Variants in PRKCQ observed in about 807,000 individuals in gnomAD.
The protein encoded by PRKCQ is protein kinase C theta.
A neutral mutation model predicts 91.2 loss-of-function variants in PRKCQ; 41 were observed. That is an observed-to-expected ratio of 0.45 (90% CI 0.35 to 0.58). PRKCQ has a LOEUF of 0.58. PRKCQ is among the 20% of genes least tolerant of loss of function. PRKCQ has a pLI of 0.00. For missense variants in PRKCQ, 673 were observed against 896.5 expected (o/e 0.75, Z 3.18); for synonymous variants, 307 against 316.9 (o/e 0.97, Z 0.33).
chr10:6,434,046 AAAAGG>A (rs1265395584), intron 16 of PRKCQ, among the ~76,000 whole-genome samples: 5 of 151,168 alleles, frequency 3.3e-5, no homozygotes, highest in African/African-American at 1.2e-4. Context: ...AAAAAAAAAA[AAAAGG>A]AAGCAAAAGG....
At chr10:6,529,930 C>T (rs1839330633) in intron 1 of PRKCQ, among the ~76,000 whole-genome samples, 1 of 152,188 alleles carries the variant, frequency 6.6e-6, no homozygotes, top group African/African-American at 2.4e-5. Context: ...AGAAATTCTC[C>T]CTCATGAAAA....
At chr10:6,535,440 A>T (rs1839545370) in intron 1 of PRKCQ, among the ~76,000 whole-genome samples, 1 of 152,218 alleles carries the variant, frequency 6.6e-6, no homozygotes, top group African/African-American at 2.4e-5. Flanking sequence ...AATGTTACCC[A>T]TGATGTTAAA....
At chr10:6,513,763 G>T (rs1266797453) in intron 2 of PRKCQ, among the ~76,000 whole-genome samples, 1 of 152,160 alleles carries the variant, frequency 6.6e-6, no homozygotes, top group Non-Finnish European at 1.5e-5. Context: ...TTTGGTGGGG[G>T]ATGCAAAATA....
chr10:6,530,606 G>A (rs1036892818), intron 1 of PRKCQ, among the ~76,000 whole-genome samples: 1 of 152,176 alleles, frequency 6.6e-6, no homozygotes, highest in Non-Finnish European at 1.5e-5. Flanking sequence ...CGGGGGAAGA[G>A]AAAGAAAGTG....
At chr10:6,549,904 T>A (rs1442440596) in intron 1 of PRKCQ, among the ~76,000 whole-genome samples, 1 of 152,154 alleles carries the variant, frequency 6.6e-6, no homozygotes, top group African/African-American at 2.4e-5. Flanking sequence ...AGTGCTGGGA[T>A]TACAGGCGTG....
rs78958949 is a variant in PRKCQ at position 6,524,022 on chromosome 10, T to G, written c.-9-8878A>C. Among the ~76,000 whole-genome samples, 503 of 152,298 alleles carry G rather than the reference T, an allele frequency of 3.3e-3. 2 individuals are homozygous for G. The highest frequency in any genetic ancestry group is 0.012 in the African/African-American group (486 of 41,564). On this transcript the variant is annotated intron_variant, in intron 1 of 17. Coordinates refer to ENST00000263125, the MANE Select transcript of PRKCQ (RefSeq NM_006257.5). ...CAGCCTGCCTGGACTTCTCTCGATTTGCTGAAGGTTCCCTGAATATCTGTC... is the reference window on the plus strand; with the variant it reads ...CAGCCTGCCTGGACTTCTCTCGATTGGCTGAAGGTTCCCTGAATATCTGTC...
chr10:6,439,690 T>C (rs1393846021), intron 16 of PRKCQ, among the ~76,000 whole-genome samples: 1 of 102,864 alleles, frequency 9.7e-6, no homozygotes, highest in Non-Finnish European at 2.4e-5. Context: ...CTTAATAGAA[T>C]TTTCTTCTGT....
At chr10:6,466,833 T>C (rs1004494183) in intron 12 of PRKCQ, among the ~76,000 whole-genome samples, 1 of 152,090 alleles carries the variant, frequency 6.6e-6, no homozygotes, top group Non-Finnish European at 1.5e-5. Flanking sequence ...TGGGCTGGCA[T>C]AGATAGAAAC....
At chr10:6,463,419 C>A (rs1835464883) in intron 13 of PRKCQ, among the ~76,000 whole-genome samples, 1 of 152,152 alleles carries the variant, frequency 6.6e-6, no homozygotes, top group Non-Finnish European at 1.5e-5. Context: ...TAAGTGAATT[C>A]TTTCCGGCAT....
Position 6,471,946 on chromosome 10 carries a change from T to C in PRKCQ, c.1353+7046A>G, listed in dbSNP as rs188551027. Among the ~76,000 whole-genome samples the C allele has an allele frequency of 3.9e-5, 6 of 152,288 alleles. No individual in the cohort carries two copies. In the East Asian group the frequency reaches 1.2e-3, roughly 29 times the overall value. ...CTGACAAAGGAATGGGCAGATAATATGGGCCATGAGCCTGGAAGAATATTA... is the reference window on the plus strand; with the variant it reads ...CTGACAAAGGAATGGGCAGATAATACGGGCCATGAGCCTGGAAGAATATTA... On this transcript the variant is annotated intron_variant, in intron 12 of 17. Coordinates refer to ENST00000263125, the MANE Select transcript of PRKCQ (RefSeq NM_006257.5).
In PRKCQ at chr10:6,565,761, C is replaced by G. The variant is rs75510266; in HGVS notation, c.-10+14450G>C. ...GCAAATATTTCAGCTGCCTCTGCTT[C>G]AGAACTTGGAATTATGCAAGTTACT... On this transcript the variant is annotated intron_variant, in intron 1 of 17. Coordinates refer to ENST00000263125, the MANE Select transcript of PRKCQ (RefSeq NM_006257.5). Among the ~76,000 whole-genome samples, 1,352 of 152,288 alleles carry G rather than the reference C, an allele frequency of 8.9e-3. 19 individuals carry two copies. Among genetic ancestry groups the G allele is most frequent in the East Asian group, 0.047 (242 of 5,190 alleles).
the PRKCQ span, among the ~76,000 whole-genome samples, chr10:6,396,951 C>T: frequency 2.6e-5 from 4 of 152,290 alleles, no homozygotes; most frequent in Admixed American, 2.6e-4. Flanking sequence ...ATGCGATTGC[C>T]CATCTTTTTT....
intron 14 of PRKCQ, among the ~76,000 whole-genome samples, chr10:6,459,649 A>G (rs534145440): frequency 2.6e-5 from 4 of 152,336 alleles, no homozygotes; most frequent in South Asian, 2.1e-4. Context: ...AAATCCATCA[A>G]GTGTTCTTAG....
At position 6,428,017 on chromosome 10, in the gene PRKCQ, C is replaced by T. The variant is rs1454465772; in HGVS notation, c.*190G>A. The T allele has an allele frequency of 3.5e-5, 23 of 649,942 alleles. 1 individual carries two copies. The highest frequency in any genetic ancestry group is 2.5e-4 in the South Asian group (13 of 51,584). 40.3% of individuals were successfully genotyped at this position (649,942 alleles called of 1,614,324 possible). Reference sequence around the variant, plus strand: ...GAGACATGTCAGGAGACGAGACACACGGCATCGTCATTAGTGAAGTAGACT... The same window carrying T: ...GAGACATGTCAGGAGACGAGACACATGGCATCGTCATTAGTGAAGTAGACT... On this transcript the variant is annotated 3_prime_UTR_variant, in exon 18 of 18. Transcript: ENST00000263125.
chr10:6,488,788 T>G (rs1837084584), intron 8 of PRKCQ, among the ~76,000 whole-genome samples: 1 of 152,102 alleles, frequency 6.6e-6, no homozygotes, highest in African/African-American at 2.4e-5. Flanking sequence ...GTTGTTGTGT[T>G]GTTGTTCTTG....
At chr10:6,541,964 T>C (rs899337912) in intron 1 of PRKCQ, among the ~76,000 whole-genome samples, 2 of 152,224 alleles carry the variant, frequency 1.3e-5, no homozygotes, top group African/African-American at 4.8e-5. Context: ...ATTAAAACGC[T>C]GAGCCCAAAG....
chr10:6,518,835 G>T (rs1490868214), intron 1 of PRKCQ, among the ~76,000 whole-genome samples: 2 of 151,270 alleles, frequency 1.3e-5, no homozygotes, highest in Admixed American at 6.6e-5. Context: ...GAAAAGAAAA[G>T]AAAAGAAAAA....
chr10:6,454,346 T>C (rs1834893383), intron 15 of PRKCQ, among the ~76,000 whole-genome samples: 1 of 152,168 alleles, frequency 6.6e-6, no homozygotes, highest in African/African-American at 2.4e-5. Flanking sequence ...GATGCTCATG[T>C]TCTGCACTAG....
chr10:6,474,869 T>G (rs1836186505), intron 12 of PRKCQ, among the ~76,000 whole-genome samples: 1 of 152,218 alleles, frequency 6.6e-6, no homozygotes, highest in African/African-American at 2.4e-5. Flanking sequence ...AATCTAGTAG[T>G]GCAAAAGTTG....
Sources: allele counts gnomAD v4.1 joint callset (sites outside exome capture counted in the v4.1 genomes callset), GRCh38; gene constraint gnomAD v4.1.1; transcripts MANE v1.5; gene names NCBI Gene and HGNC (gene_info 2026-07-23, HGNC 2026-07-21).